FRMPD4: variants seen among roughly 807,000 people sequenced by gnomAD.
The protein encoded by FRMPD4 is FERM and PDZ domain-containing protein 4.
FRMPD4 carries 22 observed loss-of-function variants against 94.1 expected under a neutral mutation model. The ratio of observed to expected loss-of-function variants is 0.23; its 90% CI spans 0.17 to 0.33. FRMPD4 has a LOEUF of 0.33. Ranked by LOEUF, FRMPD4 falls within the 10% of genes least tolerant of loss-of-function variation. FRMPD4 has a pLI of 1.00. For missense variants in FRMPD4, 1,111 were observed against 1,339.9 expected (o/e 0.83, Z 2.67); for synonymous variants, 631 against 548.6 (o/e 1.15, Z -2.10).
At chrX:12,642,932 C>G (rs753562880) in intron 4 of FRMPD4, among the ~76,000 whole-genome samples, 1 of 111,383 alleles carries the variant, frequency 9.0e-6, no homozygotes, top group East Asian at 2.8e-4. Context: ...AAAAAAGAAA[C>G]ACACATTACC....
intron 1 of FRMPD4, among the ~76,000 whole-genome samples, chrX:12,386,995 T>C (rs1232283347): frequency 8.9e-6 from 1 of 112,131 alleles, no homozygotes; most frequent in East Asian, 2.8e-4. Context: ...TATGCAATTC[T>C]TGGCAAACAA....
At chrX:12,583,560 C>A (rs773559624) in intron 2 of FRMPD4, 2 of 831,439 alleles carry the variant, frequency 2.4e-6, no homozygotes, top group East Asian at 3.5e-5. Context: ...CACGCTCCAG[C>A]GCAAGCCAGG....
chrX:12,164,777 A>G (rs1203566843), intron 1 of FRMPD4, among the ~76,000 whole-genome samples: 1 of 111,953 alleles, frequency 8.9e-6, no homozygotes, highest in Non-Finnish European at 1.9e-5. Flanking sequence ...GTGGTTTTTG[A>G]TTTGCATTTC....
intron 3 of FRMPD4, among the ~76,000 whole-genome samples, chrX:11,977,833 T>A (rs1709406037): frequency 9.0e-6 from 1 of 111,319 alleles, no homozygotes; most frequent in African/African-American, 3.3e-5. Context: ...ATGTCTGGGT[T>A]AAGATAAAGA....
intron 3 of FRMPD4, among the ~76,000 whole-genome samples, chrX:12,055,719 T>C (rs1043638728): frequency 8.9e-6 from 1 of 111,943 alleles, no homozygotes; most frequent in Non-Finnish European, 1.9e-5. Flanking sequence ...ATAGGCCACA[T>C]CTATCTTTTA....
chrX:12,075,406 C>T (rs2055005476), intron 3 of FRMPD4, among the ~76,000 whole-genome samples: 1 of 111,361 alleles, frequency 9.0e-6, no homozygotes, highest in African/African-American at 3.3e-5. Context: ...TGCTGTAAAC[C>T]TAAAATGGCT....
intron 3 of FRMPD4, among the ~76,000 whole-genome samples, chrX:12,090,434 A>G (rs958363906): frequency 1.8e-5 from 2 of 109,957 alleles, no homozygotes; most frequent in African/African-American, 6.6e-5. Flanking sequence ...ACTGTGAGCC[A>G]ATTAAGCCTA....
intron 1 of FRMPD4, among the ~76,000 whole-genome samples, chrX:12,424,744 A>G (rs2056926042): frequency 8.9e-6 from 1 of 112,937 alleles, no homozygotes; most frequent in East Asian, 2.8e-4. Flanking sequence ...TTGGGAAATA[A>G]TTATGCCATT....
intron 3 of FRMPD4, among the ~76,000 whole-genome samples, chrX:12,613,362 A>G (rs909736302): frequency 8.9e-6 from 1 of 112,113 alleles, no homozygotes; most frequent in Admixed American, 9.4e-5. Flanking sequence ...CTGAACTTGG[A>G]AGAGTCCAAG....
At chrX:12,193,204 A>T (rs990619808) in intron 1 of FRMPD4, among the ~76,000 whole-genome samples, 4 of 111,375 alleles carry the variant, frequency 3.6e-5, no homozygotes, top group African/African-American at 6.5e-5. Context: ...AGGGTTTTCT[A>T]GATGGCTTTC....
chrX:12,005,921 A>C (rs1224132822), intron 3 of FRMPD4, among the ~76,000 whole-genome samples: 4 of 111,596 alleles, frequency 3.6e-5, no homozygotes, highest in Non-Finnish European at 7.5e-5. Context: ...CGAAATCATT[A>C]GTCATTAGTC....
chrX:12,372,479 C>A (rs984423828), intron 1 of FRMPD4, among the ~76,000 whole-genome samples: 12 of 113,057 alleles, frequency 1.1e-4, no homozygotes, highest in African/African-American at 3.5e-4. Context: ...CTTACAGGCC[C>A]TCTAAAGCCT....
intron 2 of FRMPD4, among the ~76,000 whole-genome samples, chrX:12,529,702 T>C (rs762255682): frequency 8.9e-6 from 1 of 111,756 alleles, no homozygotes; most frequent in African/African-American, 3.3e-5. Context: ...AAAACCCAAA[T>C]GAGAGCACAG....
chrX:11,932,068 A>C, intron 3 of FRMPD4, among the ~76,000 whole-genome samples: 1 of 112,130 alleles, frequency 8.9e-6, no homozygotes, highest in Admixed American at 9.5e-5. Context: ...AAATCATATT[A>C]TTAACTACAG....
intron 1 of FRMPD4, among the ~76,000 whole-genome samples, chrX:12,166,160 C>T (rs1400130884): frequency 1.8e-5 from 2 of 111,760 alleles, no homozygotes; most frequent in African/African-American, 3.3e-5. Context: ...CAGTTTTTGT[C>T]CATTCAGTAT....
At chrX:12,488,989 G>A (rs1233201130) in intron 1 of FRMPD4, among the ~76,000 whole-genome samples, 1 of 111,726 alleles carries the variant, frequency 9.0e-6, no homozygotes, top group East Asian at 2.8e-4. Context: ...CATTGTCTAT[G>A]GCTACTTTTG....
intron 1 of FRMPD4, among the ~76,000 whole-genome samples, chrX:12,441,068 G>A (rs2057130872): frequency 8.9e-6 from 1 of 112,071 alleles, no homozygotes; most frequent in South Asian, 3.7e-4. Flanking sequence ...ATGTATCTGC[G>A]AATAATTCAG....
intron 4 of FRMPD4, among the ~76,000 whole-genome samples, chrX:12,650,355 A>G (rs2059585064): frequency 8.9e-6 from 1 of 112,038 alleles, no homozygotes. Flanking sequence ...AGGTCATTCC[A>G]TAGAATGGTG....
chrX:11,843,978 C>CTTTT (rs1193068056), intron 1 of FRMPD4, among the ~76,000 whole-genome samples: 12 of 61,362 alleles, frequency 2.0e-4, no homozygotes, highest in Non-Finnish European at 3.2e-4. Context: ...GTTATGAATT[C>CTTTT]TTTTTTTTTT....
Sources: gnomAD v4.1 joint callset for allele counts (sites outside exome capture counted in the v4.1 genomes callset) on GRCh38, gnomAD v4.1.1 for gene constraint, MANE v1.5 for transcripts, NCBI Gene and HGNC (gene_info 2026-07-23, HGNC 2026-07-21) for gene names.